The following CDK14 variants were observed in gnomAD, a reference collection of about 807,000 sequenced individuals.
The protein encoded by CDK14 is cyclin dependent kinase 14.
CDK14 carries 34 observed loss-of-function variants against 60.7 expected under a neutral mutation model. The observed-to-expected ratio is 0.56, with a 90% CI of 0.43 to 0.75. The LOEUF is 0.75. Ranked by LOEUF, CDK14 falls within the 30% of genes least tolerant of loss-of-function variation. CDK14 has a pLI of 0.00. For missense variants in CDK14, 482 were observed against 564.1 expected, an observed-to-expected ratio of 0.85 and a Z score of 1.47; for synonymous variants, 197 against 203.7, an observed-to-expected ratio of 0.97 and a Z score of 0.28.
chr7:91,152,796 G>C (rs550117018), intron 14 of CDK14, among the ~76,000 whole-genome samples: 1 of 152,282 alleles, frequency 6.6e-6, no homozygotes, highest in East Asian at 1.9e-4. Flanking sequence ...TAGCATGTCA[G>C]CATTAAAACT....
At chr7:90,600,948 G>A (rs924247093) in intron 1 of CDK14, among the ~76,000 whole-genome samples, 4 of 152,196 alleles carry the variant, frequency 2.6e-5, no homozygotes, top group African/African-American at 9.7e-5. Flanking sequence ...AATGTGGGTG[G>A]TCCCTGTCCT....
chr7:90,981,018 C>A (rs919841432), intron 9 of CDK14, among the ~76,000 whole-genome samples: 1 of 152,256 alleles, frequency 6.6e-6, no homozygotes, highest in South Asian at 2.1e-4. Flanking sequence ...AGGCTCTTCA[C>A]ACTCAGAACT....
intron 10 of CDK14, among the ~76,000 whole-genome samples, chr7:90,984,581 C>T (rs1414805911): frequency 6.6e-6 from 1 of 152,146 alleles, no homozygotes; most frequent in Non-Finnish European, 1.5e-5. Context: ...TTAACTCCCC[C>T]GTCCCCCTTG....
At chr7:90,901,901 A>T (rs374563082) in intron 7 of CDK14, among the ~76,000 whole-genome samples, 1 of 152,206 alleles carries the variant, frequency 6.6e-6, no homozygotes, top group African/African-American at 2.4e-5. Flanking sequence ...AGAGCTGATA[A>T]ACTAATTCCG....
rs990197282 is a variant in CDK14 at position 90,620,625 on chromosome 7, G to T, written c.123+16376G>T. Among the ~76,000 whole-genome samples the T allele has an allele frequency of 3.3e-5, 5 of 152,158 alleles. No individual in the cohort carries two copies. The South Asian group carries it at 1.0e-3, about 32-fold the overall frequency. On this transcript the variant is annotated intron_variant, in intron 2 of 14. Coordinates refer to ENST00000380050, the MANE Select transcript of CDK14 (RefSeq NM_001287135.2). ...TGTAAGAATTAATGAAATAATGCTT[G>T]TAATTCCTGTAAAGGGTCTTGGCAC...
At chr7:91,010,283 C>A (rs375283010) in intron 10 of CDK14, among the ~76,000 whole-genome samples, 14 of 151,894 alleles carry the variant, frequency 9.2e-5, no homozygotes, top group African/African-American at 3.4e-4. Flanking sequence ...ATCTGCTGAT[C>A]AGTTACTACA....
At chr7:90,813,735 C>T (rs10271896) in intron 5 of CDK14, among the ~76,000 whole-genome samples, 67,273 of 151,190 alleles carry the variant, frequency 0.44, 15,761 homozygotes, top group East Asian at 0.82. Flanking sequence ...GGCAACAAAG[C>T]GAGACTCTGT....
chr7:90,818,946 C>T (rs1789448474), intron 5 of CDK14, among the ~76,000 whole-genome samples: 1 of 151,686 alleles, frequency 6.6e-6, no homozygotes, highest in African/African-American at 2.4e-5. Context: ...TTTTTATTTG[C>T]TGCCATAATA....
At chr7:90,933,872 G>C (rs1045113498) in intron 8 of CDK14, among the ~76,000 whole-genome samples, 1 of 152,244 alleles carries the variant, frequency 6.6e-6, no homozygotes, top group Non-Finnish European at 1.5e-5. Flanking sequence ...AGCAAAGCTG[G>C]AGAGTAGATT....
At chr7:91,086,432 G>C in intron 12 of CDK14, among the ~76,000 whole-genome samples, 1 of 152,060 alleles carries the variant, frequency 6.6e-6, no homozygotes, top group East Asian at 1.9e-4. Context: ...GTTGGGAACT[G>C]TTAGGGGTTA....
intron 8 of CDK14, among the ~76,000 whole-genome samples, chr7:90,926,539 C>T (rs1370238212): frequency 6.6e-6 from 1 of 152,074 alleles, no homozygotes; most frequent in Non-Finnish European, 1.5e-5. Flanking sequence ...GGCAGTAGCT[C>T]AAAAAATGCC....
chr7:90,669,685 A>G (rs1358579793), intron 2 of CDK14, among the ~76,000 whole-genome samples: 1 of 152,208 alleles, frequency 6.6e-6, no homozygotes, highest in Non-Finnish European at 1.5e-5. Flanking sequence ...GACCTTTTAG[A>G]TACATGAGCC....
chr7:91,052,662 G>GA lies in CDK14; in HGVS notation c.1105+6709dup, dbSNP rs569897235. Among the ~76,000 whole-genome samples, 551 of 152,066 alleles carry GA rather than the reference G, an allele frequency of 3.6e-3. 5 individuals are homozygous for GA. The highest frequency in any genetic ancestry group is 0.01 in the Middle Eastern group (3 of 294). ...GGAATACACTGTGAAGTTCAGTGAG[G>GA]AAAAAAATGCTGCTAGACCAGAAGC... On this transcript the variant is annotated intron_variant, in intron 11 of 14. Coordinates refer to ENST00000380050, the MANE Select transcript of CDK14 (RefSeq NM_001287135.2).
chr7:90,644,020 G>A (rs1800405942), intron 2 of CDK14, among the ~76,000 whole-genome samples: 1 of 152,174 alleles, frequency 6.6e-6, no homozygotes, highest in Non-Finnish European at 1.5e-5. Context: ...AAAATTAAAT[G>A]AGATCATAAG....
intron 6 of CDK14, among the ~76,000 whole-genome samples, chr7:90,871,846 C>T (rs927396277): frequency 6.6e-6 from 1 of 152,270 alleles, no homozygotes; most frequent in Admixed American, 6.5e-5. Context: ...CATATCATCT[C>T]CTGAGTTGAG....
chr7:90,939,078 A>G (rs945522586), intron 8 of CDK14, among the ~76,000 whole-genome samples: 1 of 152,240 alleles, frequency 6.6e-6, no homozygotes, highest in African/African-American at 2.4e-5. Flanking sequence ...GGGAAACAGG[A>G]ATATCAATAC....
chr7:91,071,700 T>C (rs900844482), intron 11 of CDK14, among the ~76,000 whole-genome samples: 1 of 152,216 alleles, frequency 6.6e-6, no homozygotes, highest in Non-Finnish European at 1.5e-5. Context: ...GTCTAAGCCC[T>C]CTGTGCTCCT....
intron 6 of CDK14, among the ~76,000 whole-genome samples, chr7:90,898,561 G>A (rs971461338): frequency 6.6e-6 from 1 of 151,968 alleles, no homozygotes; most frequent in African/African-American, 2.4e-5. Context: ...TAATAAAAAT[G>A]TGAATAGTAA....
chr7:90,949,158 T>TTA (rs780712597), intron 8 of CDK14, among the ~76,000 whole-genome samples: 48 of 152,124 alleles, frequency 3.2e-4, no homozygotes, highest in Non-Finnish European at 5.0e-4. Context: ...TATTTAAAAA[T>TTA]TATATATATG....
Sources: allele counts gnomAD v4.1 joint callset (sites outside exome capture counted in the v4.1 genomes callset), GRCh38; gene constraint gnomAD v4.1.1; transcripts MANE v1.5; gene names NCBI Gene and HGNC (gene_info 2026-07-23, HGNC 2026-07-21).